ACVR1: variants seen among roughly 807,000 people sequenced by gnomAD.
ACVR1 encodes the protein activin A receptor type 1.
ACVR1 carries 38 observed loss-of-function variants against 57.1 expected under a neutral mutation model. That is an observed-to-expected ratio of 0.67 (90% CI 0.51 to 0.87). ACVR1 has a LOEUF of 0.87. Among genes scored for constraint, ACVR1 ranks in the 40% least tolerant of loss-of-function variants. ACVR1 has a pLI of 0.00. For synonymous variants in ACVR1, 212 were observed against 228.1 expected (o/e 0.93, Z 0.63); for missense variants, 463 against 638.2 (o/e 0.73, Z 2.96).
In ACVR1 at chr2:157,812,892, A is replaced by G. The variant is rs568443036; in HGVS notation, c.-8+5493T>C. ...GTGGTCCTTCCTCCCACGTACTTCA[A>G]TAAGTGTCATGGGTCAAAGGATATA... On this transcript the variant is annotated intron_variant, in intron 2 of 10. Transcript: ENST00000434821. 1.1e-4 allele frequency among the ~76,000 whole-genome samples: 17 copies of G among 152,314 alleles called. No individual in the cohort carries two copies. In the South Asian group the frequency reaches 3.5e-3, roughly 32 times the overall value.
intron 2 of ACVR1, among the ~76,000 whole-genome samples, chr2:157,803,914 T>C (rs1019709980): frequency 1.3e-5 from 2 of 152,092 alleles, no homozygotes; most frequent in African/African-American, 4.8e-5. Flanking sequence ...ACCTTATTTT[T>C]TTTTTATTTT....
At chr2:157,778,065 C>G (rs894177205) in intron 5 of ACVR1, 66 bp downstream of exon 5, 5 of 1,553,038 alleles carry the variant, frequency 3.2e-6, no homozygotes, top group Middle Eastern at 2.2e-4. Context: ...GTTTCATGCT[C>G]GAAATAAGAA....
intron 9 of ACVR1, among the ~76,000 whole-genome samples, chr2:157,744,473 C>T (rs1038304621): frequency 6.6e-5 from 10 of 152,162 alleles, no homozygotes; most frequent in African/African-American, 2.2e-4. Context: ...CCATTTTATG[C>T]CATGTGATAC....
intron 8 of ACVR1, among the ~76,000 whole-genome samples, chr2:157,763,693 T>G (rs1685749808): frequency 6.6e-6 from 1 of 152,174 alleles, no homozygotes; most frequent in Non-Finnish European, 1.5e-5. Context: ...GGCAACAGAA[T>G]AAGATCCTCT....
At chr2:157,783,414 T>C (rs1043593708) in intron 3 of ACVR1, among the ~76,000 whole-genome samples, 3 of 152,162 alleles carry the variant, frequency 2.0e-5, no homozygotes, top group Admixed American at 6.5e-5. Context: ...CAGTAAAATT[T>C]AACTCATTAT....
intron 7 of ACVR1, among the ~76,000 whole-genome samples, chr2:157,767,607 C>T (rs1045670906): frequency 6.6e-6 from 1 of 152,084 alleles, no homozygotes; most frequent in Non-Finnish European, 1.5e-5. Flanking sequence ...AGAGAAAATA[C>T]ATTAAAATGC....
At chr2:157,739,866 A>G (rs907765168) in intron 9 of ACVR1, among the ~76,000 whole-genome samples, 8 of 152,210 alleles carry the variant, frequency 5.3e-5, no homozygotes, top group Non-Finnish European at 7.3e-5. Context: ...TATATTTGAG[A>G]TGGAAACAAG....
chr2:157,864,806 C>T (rs1156707299), intron 1 of ACVR1, among the ~76,000 whole-genome samples: 1 of 152,100 alleles, frequency 6.6e-6, no homozygotes, highest in African/African-American at 2.4e-5. Context: ...TATCATAGCC[C>T]TACTGCTTTT....
At chr2:157,793,502 C>T (rs1235081113) in intron 3 of ACVR1, among the ~76,000 whole-genome samples, 1 of 152,138 alleles carries the variant, frequency 6.6e-6, no homozygotes, top group Admixed American at 6.5e-5. Flanking sequence ...AATAAGAAAA[C>T]TTGATAATAA....
At chr2:157,747,154 T>G (rs1242611226) in intron 9 of ACVR1, among the ~76,000 whole-genome samples, 1 of 152,212 alleles carries the variant, frequency 6.6e-6, no homozygotes, top group Non-Finnish European at 1.5e-5. Flanking sequence ...ACATTTTATA[T>G]GCAATAATTT....
chr2:157,796,459 T>C (rs79445987), intron 3 of ACVR1, among the ~76,000 whole-genome samples: 8,151 of 151,908 alleles, frequency 0.054, 795 homozygotes, highest in African/African-American at 0.19. Flanking sequence ...GAGGCTGACG[T>C]AGGAGGATCA....
At chr2:157,850,785 C>T (rs774916670) in intron 1 of ACVR1, among the ~76,000 whole-genome samples, 2 of 151,746 alleles carry the variant, frequency 1.3e-5, no homozygotes, top group Admixed American at 6.6e-5. Context: ...GGTGAAACCC[C>T]GTCTCTACTA....
chr2:157,824,805 G>A (rs1688282793), intron 1 of ACVR1, among the ~76,000 whole-genome samples: 1 of 151,356 alleles, frequency 6.6e-6, no homozygotes, highest in Non-Finnish European at 1.5e-5. Context: ...CCAGGCTGGA[G>A]TGCAGTGGCA....
intron 1 of ACVR1, among the ~76,000 whole-genome samples, chr2:157,869,987 C>T (rs1380107579): frequency 6.6e-6 from 1 of 152,196 alleles, no homozygotes; most frequent in African/African-American, 2.4e-5. Flanking sequence ...TGCATTAACT[C>T]ACTACTTACA....
intron 8 of ACVR1, among the ~76,000 whole-genome samples, chr2:157,765,440 G>A (rs1685826429): frequency 6.6e-6 from 1 of 152,190 alleles, no homozygotes; most frequent in African/African-American, 2.4e-5. Flanking sequence ...GGCAGGGACT[G>A]ACTGAATGAG....
chr2:157,849,846 T>C (rs1243340638), intron 1 of ACVR1, among the ~76,000 whole-genome samples: 1 of 152,228 alleles, frequency 6.6e-6, no homozygotes, highest in Non-Finnish European at 1.5e-5. Context: ...CTTAACCTCC[T>C]ACCCAGGTGT....
At chr2:157,792,602 GTGT>G (rs756252883) in intron 3 of ACVR1, among the ~76,000 whole-genome samples, 15 of 152,200 alleles carry the variant, frequency 9.9e-5, no homozygotes, top group Non-Finnish European at 1.6e-4. Flanking sequence ...AAGCAGACTG[GTGT>G]TGTCTTTTTT....
chr2:157,869,209 G>C (rs1690035988), intron 1 of ACVR1, among the ~76,000 whole-genome samples: 2 of 152,206 alleles, frequency 1.3e-5, no homozygotes, highest in Non-Finnish European at 2.9e-5. Context: ...ATGCACACTG[G>C]AGCTGGTCCA....
Position 157,865,561 on chromosome 2 carries a change from GC to G in ACVR1, c.-183+10234del, listed in dbSNP as rs538404849. On this transcript the variant is annotated intron_variant, in intron 1 of 10. Coordinates refer to ENST00000434821, the MANE Select transcript of ACVR1 (RefSeq NM_001111067.4). ...AATCCCAGCACTTTGGGAGGCCGAG[GC>G]GGGCAGATCACCTGAGGTCGGGAGT... Among the ~76,000 whole-genome samples the G allele has an allele frequency of 3.4e-4, 52 of 152,246 alleles. No individual in the cohort carries two copies. The East Asian group carries it at 9.3e-3, about 27-fold the overall frequency.
Sources: gnomAD v4.1 joint callset for allele counts (sites outside exome capture counted in the v4.1 genomes callset) on GRCh38, gnomAD v4.1.1 for gene constraint, MANE v1.5 for transcripts, NCBI Gene and HGNC (gene_info 2026-07-23, HGNC 2026-07-21) for gene names.